The following GRM1 variants were observed in gnomAD, a reference collection of about 807,000 sequenced individuals.
GRM1 encodes the protein metabotropic glutamate receptor 1.
Under a neutral mutation model 90.9 loss-of-function variants are expected in GRM1, and 33 were observed. The observed-to-expected ratio is 0.36, with a 90% CI of 0.28 to 0.49. GRM1 has a LOEUF of 0.49. Ranked by LOEUF, GRM1 falls within the 20% of genes least tolerant of loss-of-function variation. GRM1 has a pLI of 0.99. For synonymous variants in GRM1, 700 were observed against 613.2 expected, an observed-to-expected ratio of 1.14 and a Z score of -2.09; for missense variants, 1,190 against 1,534.3, an observed-to-expected ratio of 0.78 and a Z score of 3.75.
chr6:146,029,895 T>C lies in GRM1; in HGVS notation c.378T>C (p.Ser126=). The C allele has an allele frequency of 6.2e-7, 1 of 1,614,090 alleles. No individual in the cohort carries two copies. The highest frequency in any genetic ancestry group is 8.5e-7 in the Non-Finnish European group (1 of 1,179,994). The change falls in exon 1 of 8, where the codon TCT becomes TCC. Residue 126 remains serine, a synonymous_variant. Transcript: ENST00000282753. ...AGAGCATTGAGTTCATTAGGGACTCTCTGATTTCCATTCGAGATGAGAAGG... is the reference window on the plus strand; with the variant it reads ...AGAGCATTGAGTTCATTAGGGACTCCCTGATTTCCATTCGAGATGAGAAGG... ...LEQSIEFIRD[S]LISIRDEKDG... is the part of the protein sequence containing the mutation.
At position 146,435,257 on chromosome 6, in the gene GRM1, C is replaced by G. The variant is rs1778561987; in HGVS notation, c.*461C>G. 3.3e-5 allele frequency: 10 copies of G among 302,374 alleles called. 1 individual carries two copies. The highest frequency in any genetic ancestry group is 3.1e-4 in the South Asian group (10 of 31,944). The allele number at this position is 302,374 out of a possible 1,614,324, so 18.7% of individuals were successfully genotyped here. A position where few individuals can be genotyped will look rare whatever the true frequency, so the allele number is the denominator to read the frequency against. ...TGGCATTCGGAGTGAGCTGGTGGAG[C>G]CAGACAGAGCAGGTGCGGGGAAGGG... On this transcript the variant is annotated 3_prime_UTR_variant, in exon 8 of 8. Coordinates refer to ENST00000282753, the MANE Select transcript of GRM1 (RefSeq NM_001278064.2).
intron 2 of GRM1, among the ~76,000 whole-genome samples, chr6:146,224,718 G>A (rs1376825726): frequency 6.6e-6 from 1 of 152,134 alleles, no homozygotes; most frequent in East Asian, 1.9e-4. Context: ...TGGTAAAATC[G>A]AGAGTCCTCA....
At chr6:146,247,260 G>A (rs1209187380) in intron 2 of GRM1, among the ~76,000 whole-genome samples, 1 of 152,092 alleles carries the variant, frequency 6.6e-6, no homozygotes, top group Non-Finnish European at 1.5e-5. Context: ...GTTACATCTT[G>A]GGATCAAATA....
intron 1 of GRM1, among the ~76,000 whole-genome samples, chr6:146,077,995 CA>C (rs1426373512): frequency 6.6e-6 from 1 of 152,076 alleles, no homozygotes; most frequent in African/African-American, 2.4e-5. Context: ...AAAGGTGCGC[CA>C]TATTAAAATG....
intron 1 of GRM1, among the ~76,000 whole-genome samples, chr6:146,049,310 A>G (rs760082654): frequency 1.1e-4 from 17 of 151,986 alleles, no homozygotes; most frequent in Non-Finnish European, 2.4e-4. Flanking sequence ...CATTTGAATC[A>G]ATGGGTTGAG....
At chr6:146,421,093 G>A (rs554741054) in intron 7 of GRM1, among the ~76,000 whole-genome samples, 20 of 152,180 alleles carry the variant, frequency 1.3e-4, no homozygotes, top group African/African-American at 2.9e-4. Flanking sequence ...AGTGTAAATT[G>A]TGCAAGAACT....
chr6:146,108,670 G>A (rs77678107), intron 1 of GRM1, among the ~76,000 whole-genome samples: 8,080 of 152,244 alleles, frequency 0.053, 704 homozygotes, highest in African/African-American at 0.18. Flanking sequence ...ATGTGGAAGC[G>A]ATTTTGGAAC....
intron 7 of GRM1, among the ~76,000 whole-genome samples, chr6:146,401,564 A>T (rs1447769729): frequency 6.6e-6 from 1 of 152,200 alleles, no homozygotes; most frequent in African/African-American, 2.4e-5. Flanking sequence ...GGATTAAAAG[A>T]TTCACTTTAT....
chr6:146,186,026 A>G (rs1195503757), intron 2 of GRM1, among the ~76,000 whole-genome samples: 2 of 150,458 alleles, frequency 1.3e-5, no homozygotes, highest in African/African-American at 2.4e-5. Flanking sequence ...CTGGCTCACT[A>G]CAACCTACAC....
chr6:146,080,228 G>GTTAGAA (rs1052275463), intron 1 of GRM1, among the ~76,000 whole-genome samples: 3 of 152,180 alleles, frequency 2.0e-5, no homozygotes, highest in African/African-American at 4.8e-5. Flanking sequence ...TACCTACCAT[G>GTTAGAA]TTAGAATTGT....
chr6:146,373,180 C>T (rs1275426673), intron 5 of GRM1, among the ~76,000 whole-genome samples: 2 of 152,052 alleles, frequency 1.3e-5, no homozygotes, highest in Non-Finnish European at 2.9e-5. Context: ...GATCTTCCAC[C>T]TCTTTTGTTA....
chr6:146,252,509 T>C (rs1781328407), intron 2 of GRM1, among the ~76,000 whole-genome samples: 1 of 151,946 alleles, frequency 6.6e-6, no homozygotes, highest in Admixed American at 6.6e-5. Flanking sequence ...TGGTGGTGGG[T>C]GCTGAGGCAG....
At chr6:146,317,130 TG>T (rs1476827809) in intron 3 of GRM1, among the ~76,000 whole-genome samples, 4 of 152,200 alleles carry the variant, frequency 2.6e-5, no homozygotes, top group African/African-American at 9.6e-5. Context: ...GAAAGATTTA[TG>T]TGTGCCAAAT....
intron 2 of GRM1, among the ~76,000 whole-genome samples, chr6:146,270,901 CTTTCTTT>C (rs1782117148): frequency 1.0e-3 from 118 of 115,390 alleles, no homozygotes; most frequent in African/African-American, 4.7e-3. Context: ...TTCTTTCTTT[CTTTCTTT>C]CTTTCTTCCT....
At chr6:146,299,632 C>T (rs1221359312) in intron 2 of GRM1, among the ~76,000 whole-genome samples, 1 of 152,192 alleles carries the variant, frequency 6.6e-6, no homozygotes, top group Non-Finnish European at 1.5e-5. Flanking sequence ...GCTACTCCTT[C>T]AAATCATATT....
At chr6:146,409,536 A>T (rs1005986279) in intron 7 of GRM1, among the ~76,000 whole-genome samples, 1 of 152,062 alleles carries the variant, frequency 6.6e-6, no homozygotes, top group African/African-American at 2.4e-5. Flanking sequence ...CTAAGAAAAG[A>T]CGAACATTAA....
At position 146,399,683 on chromosome 6, in the gene GRM1, G is replaced by A; in HGVS notation, c.2644G>A (p.Gly882Arg). 6.2e-7 allele frequency: 1 copy of A among 1,611,484 alleles called. No individual in the cohort carries two copies. The highest frequency in any genetic ancestry group is 1.1e-5 in the South Asian group (1 of 90,956). The change falls in exon 7 of 8, where the codon GGG (glycine) becomes AGG (arginine). Residue 882 changes from glycine to arginine, a missense_variant. Transcript: ENST00000282753. This position sits in a 1 kb window ranked among gnomAD's most constrained non-coding sequence, Gnocchi z 5.4. ...CAACATCTTCCGAAGAAAGAAGGCA[G>A]GGGCAGGGAATGCCAAGTGAGTTAT... ...FLNIFRRKKA[G>R]AGNANSNGKS...
intron 2 of GRM1, among the ~76,000 whole-genome samples, chr6:146,192,686 C>A (rs895308232): frequency 6.6e-6 from 1 of 152,032 alleles, no homozygotes; most frequent in African/African-American, 2.4e-5. Flanking sequence ...GTGTTGTGAC[C>A]AATTAGTGGG....
chr6:146,051,939 A>C (rs1028911644), intron 1 of GRM1, among the ~76,000 whole-genome samples: 1 of 152,048 alleles, frequency 6.6e-6, no homozygotes, highest in Non-Finnish European at 1.5e-5. Context: ...TGGAGGCTGA[A>C]GTCATGTCAA....
Sources: gnomAD v4.1 joint callset for allele counts (sites outside exome capture counted in the v4.1 genomes callset) on GRCh38, gnomAD v4.1.1 for gene constraint, Gnocchi (gnomAD v3.1) non-coding constraint, MANE v1.5 for transcripts, NCBI Gene and HGNC (gene_info 2026-07-23, HGNC 2026-07-21) for gene names.